Variants in LRSAM1 observed in about 807,000 individuals in gnomAD.
LRSAM1 encodes leucine rich repeat and sterile alpha motif containing 1.
Under a neutral mutation model 118.1 loss-of-function variants are expected in LRSAM1, and 96 were observed. The observed-to-expected ratio is 0.81, with a 90% CI of 0.69 to 0.96. The LOEUF (loss-of-function observed/expected upper bound fraction) is 0.96. LRSAM1 is among the 40% of genes least tolerant of loss of function. The pLI is 0.00. For missense variants in LRSAM1, 804 were observed against 915.5 expected (o/e 0.88, Z 1.57); for synonymous variants, 322 against 364.2 (o/e 0.88, Z 1.32).
At chr9:127,454,442 G>T (rs1834440496) in intron 2 of LRSAM1, 54 bp from the exon 3 acceptor site, 1 of 1,363,684 alleles carries the variant, frequency 7.3e-7, no homozygotes, top group South Asian at 1.2e-5. Flanking sequence ...CCTGTCCCGG[G>T]TGTTGGGGGC....
chr9:127,478,983 C>T lies in LRSAM1; in HGVS notation c.780+20C>T. On this transcript the variant is annotated intron_variant, in intron 12 of 25. Transcript: ENST00000300417. ...AGGAAGGTAAGAAAATGCCTTTACC[C>T]TTCTGTCACTCTTTTCTCATTAAAG... The T allele has an allele frequency of 6.2e-7, 1 of 1,606,730 alleles. No homozygotes were observed.
rs1431989765 is a variant in LRSAM1, at chr9:127,487,779, G to C, written c.1347+16G>C. On this transcript the variant is annotated intron_variant, in intron 18 of 25. Transcript: ENST00000300417. ...CCTGCAGGAGGTGAGCCCTCGCCCA[G>C]AGCCTGAGGGTGGGAGCTCAGGAGG... The C allele has an allele frequency of 1.9e-6, 3 of 1,608,552 alleles. No individual in the cohort carries two copies. Among genetic ancestry groups the C allele is most frequent in the Admixed American group, 1.7e-5 (1 of 59,646 alleles).
In LRSAM1 at chr9:127,495,405, C is replaced by G; in HGVS notation, c.1685C>G (p.Ser562Cys). 1 of 1,613,864 alleles carries G rather than the reference C, an allele frequency of 6.2e-7. No homozygotes were observed. Among genetic ancestry groups the G allele is most frequent in the Non-Finnish European group, 8.5e-7 (1 of 1,179,978 alleles). The change falls in exon 22 of 26, where the codon TCC becomes TGC. Residue 562 changes from serine to cysteine, a missense_variant. Physicochemically the swap from Ser to Cys is moderately radical, Grantham distance 112. Coordinates refer to ENST00000300417, the MANE Select transcript of LRSAM1 (RefSeq NM_001005373.4). ...CGGCTTTTGAACCAGAAGCCCTTGT[C>G]CTTGAAGCTGCAAGTAAGGACTGCT... The part of the protein sequence containing the change: ...YQRLLNQKPL[S>C]LKLQEEGMER...
intron 20 of LRSAM1, among the ~76,000 whole-genome samples, chr9:127,491,876 G>C (rs1456778513): frequency 1.3e-5 from 2 of 152,338 alleles, no homozygotes; most frequent in East Asian, 3.9e-4. Context: ...TTTGGCAGGT[G>C]GGGGAGGAGA....
At chr9:127,462,500 C>T (rs1834786513) in intron 9 of LRSAM1, 127 bp downstream of exon 9, 3 of 1,471,130 alleles carry the variant, frequency 2.0e-6, no homozygotes, top group Admixed American at 1.7e-5. Flanking sequence ...AGGCATGGTC[C>T]TTGGAGGCTT....
At position 127,495,944 on chromosome 9, in the gene LRSAM1, T is replaced by C; in HGVS notation, c.1699-20T>C. 1.2e-6 allele frequency: 2 copies of C among 1,611,894 alleles called. No homozygotes were observed. The highest frequency in any genetic ancestry group is 1.7e-6 in the Non-Finnish European group (2 of 1,179,778). On this transcript the variant is annotated intron_variant, in intron 22 of 25. Transcript: ENST00000300417. ...TTCTTTTCTTCCTTCCTGCTCATGG[T>C]ACACGTTTCTGTCTTGCAGGAAGAG...
intron 10 of LRSAM1, 63 bp downstream of exon 10, chr9:127,467,893 G>A (rs1835021627): frequency 6.7e-7 from 1 of 1,485,292 alleles, no homozygotes; most frequent in African/African-American, 1.4e-5. Context: ...GCCACCCTGT[G>A]CCAGCCCAGG....
rs1408057150 is a variant in LRSAM1 at position 127,487,147 on chromosome 9, G to A, written c.1260-529G>A. ...TGCAGTGAGCCACGATCACACCACT[G>A]CACTCCAGCCCGGGTGACAGAGCAA... On this transcript the variant is annotated intron_variant, in intron 17 of 25. Coordinates refer to ENST00000300417, the MANE Select transcript of LRSAM1 (RefSeq NM_001005373.4). 3.4e-5 allele frequency among the ~76,000 whole-genome samples: 5 copies of A among 148,502 alleles called. No individual in the cohort carries two copies. In the East Asian group the frequency reaches 9.9e-4, roughly 29 times the overall value.
intron 2 of LRSAM1, 74 bp from the exon 3 acceptor site, chr9:127,454,422 T>A: frequency 9.1e-7 from 1 of 1,099,874 alleles, no homozygotes; most frequent in Non-Finnish European, 1.4e-6. Flanking sequence ...TGCTCTGTGT[T>A]ACTGCACTAC....
intron 10 of LRSAM1, among the ~76,000 whole-genome samples, chr9:127,468,810 C>CA (rs1185949155): frequency 0.12 from 2,026 of 16,398 alleles, 197 homozygotes; most frequent in Non-Finnish European, 0.18. Context: ...CCTGTCTCTA[C>CA]AAAAAAAAAA....
chr9:127,463,417 C>A (rs1044347913), intron 9 of LRSAM1, among the ~76,000 whole-genome samples: 1 of 151,840 alleles, frequency 6.6e-6, no homozygotes, highest in East Asian at 1.9e-4. Context: ...TTATCCAGGC[C>A]AGGGGAGTTC....
chr9:127,473,681 G>A (rs1835253067), intron 10 of LRSAM1, 120 bp from the exon 11 acceptor site: 1 of 1,399,666 alleles, frequency 7.1e-7, no homozygotes. Context: ...CCAGGCTAGG[G>A]AAGAGGAGAG....
intron 23 of LRSAM1, among the ~76,000 whole-genome samples, chr9:127,496,787 C>T (rs1588138346): frequency 6.6e-6 from 1 of 152,292 alleles, no homozygotes; most frequent in East Asian, 1.9e-4. Context: ...ACACCAGGGT[C>T]CAAGAGGACT....
At chr9:127,483,984 C>T (rs1336952465) in intron 16 of LRSAM1, among the ~76,000 whole-genome samples, 1 of 152,128 alleles carries the variant, frequency 6.6e-6, no homozygotes, top group Non-Finnish European at 1.5e-5. Context: ...TATATTAGTT[C>T]TGTGGCATTA....
chr9:127,487,259 T>A (rs1220842476), intron 17 of LRSAM1, among the ~76,000 whole-genome samples: 1 of 151,210 alleles, frequency 6.6e-6, no homozygotes, highest in African/African-American at 2.4e-5. Flanking sequence ...TGTGCCCAAG[T>A]CAAGGGCTGC....
At position 127,495,413 on chromosome 9, in the gene LRSAM1, CT is replaced by C. The variant is rs749012928; in HGVS notation, c.1694del (p.Leu565ArgfsTer36). The C allele has an allele frequency of 7.4e-6, 12 of 1,613,556 alleles. No homozygotes were observed. Among genetic ancestry groups the C allele is most frequent in the Non-Finnish European group, 1.0e-5 (12 of 1,179,896 alleles). On this transcript the variant is annotated frameshift_variant, in exon 22 of 26. Coordinates refer to ENST00000300417, the MANE Select transcript of LRSAM1 (RefSeq NM_001005373.4). LOFTEE classifies it high-confidence loss of function. ...GAACCAGAAGCCCTTGTCCTTGAAG[CT>C]GCAAGTAAGGACTGCTGGTGCCTGT... ...LLNQKPLSLKLQEEGMERQLV... is the reference protein window; with the variant it reads ...LLNQKPLSLKXQEEGMERQLV...
At position 127,460,847 on chromosome 9, in the gene LRSAM1, CTTTTTTTTT is replaced by C. The variant is rs58140930; in HGVS notation, c.322-308_322-300del. ...TCGTGTCACCTCTTCCTGTTTCTTT[CTTTTTTTTT>C]TTTTTTTTTTTTTTTTTGAGACGGA... On this transcript the variant is annotated intron_variant, in intron 7 of 25. Coordinates refer to ENST00000300417, the MANE Select transcript of LRSAM1 (RefSeq NM_001005373.4). Among the ~76,000 whole-genome samples, 51 of 77,426 alleles carry C rather than the reference CTTTTTTTTT, an allele frequency of 6.6e-4. 1 individual carries two copies. Among genetic ancestry groups the C allele is most frequent in the African/African-American group, 2.0e-3 (41 of 20,164 alleles). 50.8% of individuals were successfully genotyped at this position (77,426 alleles called of 152,430 possible).
chr9:127,468,429 G>A (rs1261943561), intron 10 of LRSAM1, among the ~76,000 whole-genome samples: 2 of 152,198 alleles, frequency 1.3e-5, no homozygotes, highest in Admixed American at 6.5e-5. Flanking sequence ...ACTGGCTGGA[G>A]GCGGGAGGAG....
intron 8 of LRSAM1, 41 bp from the exon 9 acceptor site, chr9:127,462,211 G>A (rs753583238): frequency 1.2e-6 from 2 of 1,612,828 alleles, no homozygotes; most frequent in Non-Finnish European, 1.7e-6. Flanking sequence ...GCTGGTGATG[G>A]GGATTTGGGG....
Sources: gnomAD v4.1 joint callset for allele counts (sites outside exome capture counted in the v4.1 genomes callset) on GRCh38, gnomAD v4.1.1 for gene constraint, MANE v1.5 for transcripts, NCBI Gene and HGNC (gene_info 2026-07-23, HGNC 2026-07-21) for gene names.